Variants in ICA1 observed in about 807,000 individuals in gnomAD.
ICA1 encodes the protein islet cell autoantigen 1.
Under a neutral mutation model 71.0 loss-of-function variants are expected in ICA1, and 40 were observed. That is an observed-to-expected ratio of 0.56 (90% CI 0.44 to 0.73). The LOEUF is 0.73. Ranked by LOEUF, ICA1 falls within the 30% of genes least tolerant of loss-of-function variation. ICA1 has a pLI of 0.00. For synonymous variants in ICA1, 207 were observed against 209.5 expected, an observed-to-expected ratio of 0.99 and a Z score of 0.10; for missense variants, 578 against 576.5, an observed-to-expected ratio of 1.00 and a Z score of -0.03.
At chr7:8,147,269 C>G (rs1394878346) in intron 8 of ICA1, among the ~76,000 whole-genome samples, 1 of 152,050 alleles carries the variant, frequency 6.6e-6, no homozygotes, top group East Asian at 1.9e-4. Context: ...TAATGTAAAC[C>G]ACTCACTCCT....
chr7:8,233,848 T>A (rs905095205), intron 2 of ICA1, among the ~76,000 whole-genome samples: 3 of 152,208 alleles, frequency 2.0e-5, no homozygotes, highest in Non-Finnish European at 4.4e-5. Context: ...AACTCTTCCA[T>A]ATAAATGCTT....
chr7:8,153,938 C>A (rs1423775444), intron 8 of ICA1, among the ~76,000 whole-genome samples: 1 of 150,368 alleles, frequency 6.7e-6, no homozygotes, highest in African/African-American at 2.4e-5. Flanking sequence ...CATTGGAAAC[C>A]ACTTAGAAGA....
intron 6 of ICA1, among the ~76,000 whole-genome samples, chr7:8,184,176 G>T (rs1232750771): frequency 1.3e-5 from 2 of 152,190 alleles, no homozygotes; most frequent in African/African-American, 4.8e-5. Flanking sequence ...GGCAAATGTG[G>T]TGCCTAGTCA....
chr7:8,221,681 G>A (rs192139246), intron 4 of ICA1, among the ~76,000 whole-genome samples: 57 of 152,266 alleles, frequency 3.7e-4, no homozygotes, highest in South Asian at 3.3e-3. Context: ...TGAAACGTAA[G>A]CCCATAGTGT....
At chr7:8,205,376 T>C (rs974460412) in intron 6 of ICA1, among the ~76,000 whole-genome samples, 1 of 152,196 alleles carries the variant, frequency 6.6e-6, no homozygotes, top group African/African-American at 2.4e-5. Context: ...GAAACCTGAG[T>C]ATGCCACATA....
intron 6 of ICA1, among the ~76,000 whole-genome samples, chr7:8,169,226 T>C (rs1562807212): frequency 6.6e-6 from 1 of 152,166 alleles, no homozygotes; most frequent in African/African-American, 2.4e-5. Flanking sequence ...AAGTAGTATT[T>C]AATTGTATGA....
At chr7:8,179,346 C>T (rs1781509365) in intron 6 of ICA1, among the ~76,000 whole-genome samples, 1 of 152,166 alleles carries the variant, frequency 6.6e-6, no homozygotes, top group East Asian at 1.9e-4. Context: ...AGGATTCTAG[C>T]TATAATGTTG....
chr7:8,205,839 T>C (rs1194248692), intron 6 of ICA1, among the ~76,000 whole-genome samples: 1 of 151,122 alleles, frequency 6.6e-6, no homozygotes, highest in African/African-American at 2.4e-5. Flanking sequence ...GAAATAGAAG[T>C]GGACGCTGAA....
intron 6 of ICA1, among the ~76,000 whole-genome samples, chr7:8,187,202 C>T (rs192907846): frequency 7.4e-4 from 112 of 152,262 alleles, no homozygotes; most frequent in Middle Eastern, 3.4e-3. Context: ...CACACCTATA[C>T]TTTTTTACAA....
At chr7:8,259,753 G>C (rs554759871) in intron 1 of ICA1, among the ~76,000 whole-genome samples, 1 of 152,264 alleles carries the variant, frequency 6.6e-6, no homozygotes, top group East Asian at 1.9e-4. Context: ...AGGATCCAAA[G>C]CCCATGAGTC....
intron 6 of ICA1, among the ~76,000 whole-genome samples, chr7:8,164,151 A>G (rs933611943): frequency 3.9e-5 from 6 of 152,018 alleles, no homozygotes; most frequent in Non-Finnish European, 8.8e-5. Context: ...CTAAAAATAC[A>G]AAAATTTGAT....
chr7:8,127,731 G>C (rs922935338), intron 13 of ICA1, 142 bp downstream of exon 13: 1 of 853,232 alleles, frequency 1.2e-6, no homozygotes, highest in African/African-American at 1.7e-5. Context: ...AAGTTGGAAT[G>C]TGATTCTGAG....
intron 6 of ICA1, among the ~76,000 whole-genome samples, chr7:8,198,723 A>G (rs1788533430): frequency 1.3e-5 from 2 of 152,202 alleles, no homozygotes; most frequent in Non-Finnish European, 2.9e-5. Context: ...GTGAGAGAGT[A>G]AGGCATCAAG....
At chr7:8,158,826 A>C (rs1157308771) in intron 6 of ICA1, among the ~76,000 whole-genome samples, 174 bp from the exon 7 acceptor site, 1 of 152,228 alleles carries the variant, frequency 6.6e-6, no homozygotes, top group East Asian at 1.9e-4. Context: ...AAAGGAGCCA[A>C]ATGAGAGTAC....
chr7:8,216,699 AGAG>A (rs1305428077), intron 6 of ICA1, among the ~76,000 whole-genome samples: 3 of 152,234 alleles, frequency 2.0e-5, no homozygotes, highest in Admixed American at 2.0e-4. Context: ...ATAAATCACA[AGAG>A]AGGAATTAGT....
intron 12 of ICA1, among the ~76,000 whole-genome samples, chr7:8,134,438 T>G (rs894696273): frequency 6.6e-6 from 1 of 152,168 alleles, no homozygotes; most frequent in Non-Finnish European, 1.5e-5. Context: ...GAAACATAAC[T>G]ACATAGACCG....
chr7:8,256,449 T>C (rs895127784), intron 1 of ICA1, among the ~76,000 whole-genome samples: 1 of 152,290 alleles, frequency 6.6e-6, no homozygotes, highest in Non-Finnish European at 1.5e-5. Flanking sequence ...CTGAATATAC[T>C]ATGCACTTCA....
chr7:8,157,243 T>C (rs373165857), intron 7 of ICA1, 29 bp from the exon 8 acceptor site: 4 of 1,564,116 alleles, frequency 2.6e-6, no homozygotes, highest in Non-Finnish European at 3.5e-6. Flanking sequence ...AAGCTATTAA[T>C]GTTTTGAATG....
Position 8,123,125 on chromosome 7 carries a change from C to G in ICA1, c.1330+4748G>C. ...CTTACCATGCTGATAACTTCAGACA[C>G]TCTTAGAAATCCCAGCTAAAATTAA... On this transcript the variant is annotated intron_variant, in intron 13 of 13. Transcript: ENST00000402384. The surrounding 1 kb of genome is among the most constrained non-coding windows in gnomAD (Gnocchi z 4.1). Among the ~76,000 whole-genome samples, 1 of 152,216 alleles carries G rather than the reference C, an allele frequency of 6.6e-6. No individual in the cohort carries two copies. The highest frequency in any genetic ancestry group is 1.5e-5 in the Non-Finnish European group (1 of 68,038).
Sources: gnomAD v4.1 joint callset for allele counts (sites outside exome capture counted in the v4.1 genomes callset) on GRCh38, gnomAD v4.1.1 for gene constraint, Gnocchi (gnomAD v3.1) non-coding constraint, MANE v1.5 for transcripts, NCBI Gene and HGNC (gene_info 2026-07-23, HGNC 2026-07-21) for gene names.